Variants in CAMK4 observed in about 807,000 individuals in gnomAD.
The protein encoded by CAMK4 is calcium/calmodulin dependent protein kinase IV.
Under a neutral mutation model 44.9 loss-of-function variants are expected in CAMK4, and 22 were observed. The ratio of observed to expected loss-of-function variants is 0.49; its 90% CI spans 0.35 to 0.70. The LOEUF is 0.70. Ranked by LOEUF, CAMK4 falls within the 30% of genes least tolerant of loss-of-function variation. The pLI, the probability that CAMK4 is intolerant of heterozygous loss-of-function variation, is 0.01. For missense variants in CAMK4, 498 were observed against 586.8 expected (o/e 0.85, Z 1.56); for synonymous variants, 218 against 215.4 (o/e 1.01, Z -0.11).
At chr5:111,394,409 A>T (rs1308880809) in intron 4 of CAMK4, among the ~76,000 whole-genome samples, 1 of 152,218 alleles carries the variant, frequency 6.6e-6, no homozygotes, top group East Asian at 1.9e-4. Flanking sequence ...GTTTCATTGT[A>T]TAATATCTAC....
intron 1 of CAMK4, among the ~76,000 whole-genome samples, chr5:111,238,619 C>G (rs1748847058): frequency 6.6e-6 from 1 of 151,136 alleles, no homozygotes; most frequent in Non-Finnish European, 1.5e-5. Context: ...AAAGACAGCC[C>G]TGTACCCTTT....
intron 1 of CAMK4, among the ~76,000 whole-genome samples, chr5:111,278,924 A>G (rs771956560): frequency 1.4e-4 from 22 of 152,204 alleles, no homozygotes; most frequent in Admixed American, 3.3e-4. Context: ...GGATTGTAAA[A>G]TGCCTTAAGA....
intron 1 of CAMK4, among the ~76,000 whole-genome samples, chr5:111,300,369 C>G (rs1344325167): frequency 6.6e-6 from 1 of 152,154 alleles, no homozygotes; most frequent in Non-Finnish European, 1.5e-5. Flanking sequence ...TAGGACTTGC[C>G]TCTTCCTCTA....
rs1426895849 is a variant in CAMK4, at chr5:111,425,682, C to T, written c.460-21004C>T. Among the ~76,000 whole-genome samples, 4 of 152,128 alleles carry T rather than the reference C, an allele frequency of 2.6e-5. No homozygotes were observed. In the South Asian group the frequency reaches 8.3e-4, roughly 32 times the overall value. Reference sequence around the variant, plus strand: ...TATTGTATTAAAATAATCATTTTGGCATTGAAGAATTTATTAACTTATTAG... The same window carrying T: ...TATTGTATTAAAATAATCATTTTGGTATTGAAGAATTTATTAACTTATTAG... On this transcript the variant is annotated intron_variant, in intron 5 of 10. Transcript: ENST00000282356.
At chr5:111,309,840 C>A (rs540112650) in intron 1 of CAMK4, among the ~76,000 whole-genome samples, 14 of 152,222 alleles carry the variant, frequency 9.2e-5, no homozygotes, top group Admixed American at 2.6e-4. Context: ...ATCTTTAGGA[C>A]CACTGGTGGT....
chr5:111,409,060 G>A (rs978871945), intron 5 of CAMK4, among the ~76,000 whole-genome samples: 1 of 152,150 alleles, frequency 6.6e-6, no homozygotes, highest in African/African-American at 2.4e-5. Context: ...CAGGTTGTTG[G>A]TGGATCTACC....
At chr5:111,433,944 A>G (rs140805497) in intron 5 of CAMK4, among the ~76,000 whole-genome samples, 1 of 152,314 alleles carries the variant, frequency 6.6e-6, no homozygotes, top group East Asian at 1.9e-4. Context: ...ACATGAGTTA[A>G]TTTGTGATTT....
Position 111,224,652 on chromosome 5 carries a change from G to T in CAMK4, c.161+8G>T, listed in dbSNP as rs1412050612. On this transcript the variant is annotated splice_region_variant and intron_variant, in intron 1 of 10. Transcript: ENST00000282356. This position sits in a 1 kb window ranked among gnomAD's most constrained non-coding sequence, Gnocchi z 5.7. The stretch of plus-strand genomic sequence containing the variant: ...GGAGTCGGAGCTGGGACGGTAAGGC[G>T]CGGGCTCCGGCTGGGGAAGCCCGCG... 6.3e-7 allele frequency: 1 copy of T among 1,599,238 alleles called. No individual in the cohort carries two copies. Among genetic ancestry groups the T allele is most frequent in the African/African-American group, 1.4e-5 (1 of 73,728 alleles).
At chr5:111,446,575 AC>A in intron 5 of CAMK4, 110 bp from the exon 6 acceptor site, 1 of 628,654 alleles carries the variant, frequency 1.6e-6, no homozygotes, top group Non-Finnish European at 2.8e-6. Flanking sequence ...GTTAAGTCAT[AC>A]TATGTGTGTT....
intron 5 of CAMK4, among the ~76,000 whole-genome samples, chr5:111,398,758 G>A (rs462895): frequency 0.54 from 82,089 of 151,896 alleles, 22,972 homozygotes; most frequent in African/African-American, 0.7. Flanking sequence ...ACTCTTATAA[G>A]GTTCCCTCCA....
chr5:111,425,393 G>A (rs1339678421), intron 5 of CAMK4, among the ~76,000 whole-genome samples: 2 of 152,198 alleles, frequency 1.3e-5, no homozygotes, highest in Admixed American at 1.3e-4. Flanking sequence ...CAGAGCCTAT[G>A]CATAACAAGG....
rs1045567728 is a variant in CAMK4, at chr5:111,493,652, C to T, written c.*9186C>T. On this transcript the variant is annotated 3_prime_UTR_variant, in exon 11 of 11. Coordinates refer to ENST00000282356, the MANE Select transcript of CAMK4 (RefSeq NM_001744.6). This position sits in a 1 kb window ranked among gnomAD's most constrained non-coding sequence, Gnocchi z 4.1. ...TTGTTTCTCCAAACATCAACCTGCT[C>T]CTGTCAAGTCCTTTTTCATCTCTCC... The T allele has an allele frequency of 1.3e-5, 2 of 152,180 alleles. No homozygotes were observed. Among genetic ancestry groups the T allele is most frequent in the Non-Finnish European group, 2.9e-5 (2 of 68,034 alleles). The allele number at this position is 152,180 out of a possible 1,614,324, so 9.4% of individuals were successfully genotyped here.
intron 1 of CAMK4, among the ~76,000 whole-genome samples, chr5:111,228,391 A>G (rs549123834): frequency 2.6e-5 from 4 of 152,130 alleles, no homozygotes; most frequent in African/African-American, 9.7e-5. Flanking sequence ...AAACACAATT[A>G]TGTGTATACA....
chr5:111,456,199 C>G (rs971857270), intron 7 of CAMK4, among the ~76,000 whole-genome samples: 2 of 151,774 alleles, frequency 1.3e-5, no homozygotes, highest in African/African-American at 4.8e-5. Flanking sequence ...AATAAAAACA[C>G]TCATTAAAAA....
intron 2 of CAMK4, among the ~76,000 whole-genome samples, chr5:111,355,273 A>G (rs901143759): frequency 2.0e-5 from 3 of 152,058 alleles, no homozygotes; most frequent in South Asian, 4.1e-4. Context: ...CTGGAATAGG[A>G]ACAGGAATAT....
intron 5 of CAMK4, among the ~76,000 whole-genome samples, chr5:111,430,197 A>G (rs114981192): frequency 0.015 from 2,245 of 152,304 alleles, 59 homozygotes; most frequent in African/African-American, 0.051. Context: ...TGTCATATCA[A>G]CAGAATGAGG....
rs1181216270 is a variant in CAMK4, at chr5:111,493,687, C to T, written c.*9221C>T. ...CCTTTTTCATCTCTCCCTTTTGTCC[C>T]TTTACATACTGTTTTGTAAGTTCCT... On this transcript the variant is annotated 3_prime_UTR_variant, in exon 11 of 11. Transcript: ENST00000282356. The surrounding 1 kb of genome is among the most constrained non-coding windows in gnomAD (Gnocchi z 4.1). 6.6e-6 allele frequency: 1 copy of T among 152,170 alleles called. No homozygotes were observed. Among genetic ancestry groups the T allele is most frequent in the African/African-American group, 2.4e-5 (1 of 41,452 alleles). The allele number at this position is 152,170 out of a possible 1,614,324, so 9.4% of individuals were successfully genotyped here. A position where few individuals can be genotyped will look rare whatever the true frequency, so the allele number is the denominator to read the frequency against.
chr5:111,355,486 T>TTTA (rs1554064297), intron 2 of CAMK4, among the ~76,000 whole-genome samples: 1 of 146,822 alleles, frequency 6.8e-6, no homozygotes, highest in Non-Finnish European at 1.5e-5. Context: ...TCTGCATTCT[T>TTTA]TTTATTTATT....
chr5:111,339,163 C>T (rs944899726), intron 1 of CAMK4, among the ~76,000 whole-genome samples: 8 of 151,380 alleles, frequency 5.3e-5, no homozygotes, highest in African/African-American at 1.7e-4. Flanking sequence ...CATATTTTCT[C>T]CCATTCTGTA....
Sources: allele counts gnomAD v4.1 joint callset (sites outside exome capture counted in the v4.1 genomes callset), GRCh38; gene constraint gnomAD v4.1.1; non-coding constraint Gnocchi (gnomAD v3.1); transcripts MANE v1.5; gene names NCBI Gene and HGNC (gene_info 2026-07-23, HGNC 2026-07-21).